PDE10A: variants seen among roughly 807,000 people sequenced by gnomAD.
The protein encoded by PDE10A is cAMP and cAMP-inhibited cGMP 3',5'-cyclic phosphodiesterase 10A.
Under a neutral mutation model 97.7 loss-of-function variants are expected in PDE10A, and 39 were observed. That is an observed-to-expected ratio of 0.40 (90% CI 0.31 to 0.52). The LOEUF (loss-of-function observed/expected upper bound fraction) is 0.52. Ranked by LOEUF, PDE10A falls within the 20% of genes least tolerant of loss-of-function variation. The pLI is 0.56. For missense variants in PDE10A, 731 were observed against 1,047.8 expected, an observed-to-expected ratio of 0.70 and a Z score of 4.17; for synonymous variants, 371 against 376.8, an observed-to-expected ratio of 0.98 and a Z score of 0.18.
chr6:165,886,268 G>A (rs1405240686), intron 1 of PDE10A, among the ~76,000 whole-genome samples: 2 of 149,962 alleles, frequency 1.3e-5, no homozygotes, highest in African/African-American at 2.5e-5. Flanking sequence ...CTGGAATCCT[G>A]GACCCCTGGG....
chr6:165,824,848 G>A (rs1779680649), intron 1 of PDE10A, among the ~76,000 whole-genome samples: 2 of 151,828 alleles, frequency 1.3e-5, no homozygotes, highest in African/African-American at 4.8e-5. Flanking sequence ...GGGTGCATTT[G>A]GCTGGGTGCG....
At chr6:165,498,376 T>C (rs1327914623) in intron 2 of PDE10A, among the ~76,000 whole-genome samples, 1 of 127,462 alleles carries the variant, frequency 7.8e-6, no homozygotes, top group Non-Finnish European at 1.5e-5. Flanking sequence ...GGAGTCGTGA[T>C]CCTGTCACTG....
At chr6:165,981,623 C>T (rs78774018) in intron 1 of PDE10A, among the ~76,000 whole-genome samples, 4 of 152,210 alleles carry the variant, frequency 2.6e-5, no homozygotes, top group Non-Finnish European at 5.9e-5. Context: ...CCTCCTTCAC[C>T]TTCTTTGGCC....
chr6:165,831,437 C>T (rs1583162238), intron 1 of PDE10A, among the ~76,000 whole-genome samples: 1 of 138,562 alleles, frequency 7.2e-6, no homozygotes, highest in Non-Finnish European at 1.5e-5. Context: ...ATTTCCTTTT[C>T]ATATATAATA....
At chr6:165,793,013 C>T (rs1778700207) in intron 1 of PDE10A, among the ~76,000 whole-genome samples, 2 of 152,106 alleles carry the variant, frequency 1.3e-5, no homozygotes, top group Non-Finnish European at 1.5e-5. Context: ...TAAGAATTAG[C>T]TCTCCATTTC....
intron 1 of PDE10A, among the ~76,000 whole-genome samples, chr6:165,607,743 T>C (rs1277124621): frequency 6.6e-6 from 1 of 152,146 alleles, no homozygotes; most frequent in African/African-American, 2.4e-5. Flanking sequence ...ATTTTGGAGA[T>C]TCATTCAGTT....
intron 1 of PDE10A, among the ~76,000 whole-genome samples, chr6:165,563,619 G>C (rs1488407916): frequency 6.6e-6 from 1 of 152,166 alleles, no homozygotes; most frequent in Non-Finnish European, 1.5e-5. Flanking sequence ...GCTGGGTGCA[G>C]TGGCTCACAT....
At chr6:165,576,726 C>T (rs371084197) in intron 1 of PDE10A, among the ~76,000 whole-genome samples, 2 of 152,228 alleles carry the variant, frequency 1.3e-5, no homozygotes, top group South Asian at 2.1e-4. Flanking sequence ...TCCTCCAATC[C>T]ACCCTCTTCT....
chr6:165,676,032 G>A (rs537278226), intron 1 of PDE10A, among the ~76,000 whole-genome samples: 1 of 152,284 alleles, frequency 6.6e-6, no homozygotes, highest in Admixed American at 6.5e-5. Context: ...TCGTATACAT[G>A]GAAGACTCCT....
At chr6:165,792,029 C>T (rs1778669174) in intron 1 of PDE10A, among the ~76,000 whole-genome samples, 1 of 152,162 alleles carries the variant, frequency 6.6e-6, no homozygotes, top group African/African-American at 2.4e-5. Flanking sequence ...TGCATCAGGC[C>T]CCCGCACGCA....
intron 1 of PDE10A, among the ~76,000 whole-genome samples, chr6:165,597,680 T>A (rs1313895968): frequency 6.6e-6 from 1 of 152,208 alleles, no homozygotes; most frequent in South Asian, 2.1e-4. Flanking sequence ...AATGACTACT[T>A]TACATGTTCC....
At chr6:165,713,646 A>C (rs141981057) in intron 1 of PDE10A, among the ~76,000 whole-genome samples, 249 of 152,312 alleles carry the variant, frequency 1.6e-3, no homozygotes, top group African/African-American at 5.7e-3. Flanking sequence ...ACCTACCGCA[A>C]ACACCGATGC....
chr6:165,496,082 G>A (rs1198820513), intron 2 of PDE10A, among the ~76,000 whole-genome samples: 1 of 151,954 alleles, frequency 6.6e-6, no homozygotes, highest in African/African-American at 2.4e-5. Flanking sequence ...CAGTCTCCTG[G>A]AGAAGGTAAG....
chr6:165,542,609 G>GTTTTTTTTTTTTTTTTTTTTTT (rs1783506131), intron 2 of PDE10A, among the ~76,000 whole-genome samples: 2 of 95,916 alleles, frequency 2.1e-5, no homozygotes, highest in Admixed American at 1.1e-4. Flanking sequence ...AGATGTCCTT[G>GTTTTTTTTTTTTTTTTTTTTTT]TTCTTTTTTT....
intron 1 of PDE10A, among the ~76,000 whole-genome samples, chr6:165,592,409 A>G (rs113032293): frequency 8.0e-4 from 122 of 152,378 alleles, no homozygotes; most frequent in African/African-American, 2.7e-3. Flanking sequence ...TTCATGATTA[A>G]AACACCAAAA....
At chr6:165,936,068 A>C (rs1211178175) in intron 1 of PDE10A, among the ~76,000 whole-genome samples, 1 of 152,270 alleles carries the variant, frequency 6.6e-6, no homozygotes, top group Non-Finnish European at 1.5e-5. Flanking sequence ...TAAACTCATC[A>C]AAGTTGGATG....
In PDE10A at chr6:165,923,825, T is replaced by A. The variant is rs558678447; in HGVS notation, c.-615+63704A>T. Among the ~76,000 whole-genome samples, 14 of 152,342 alleles carry A rather than the reference T, an allele frequency of 9.2e-5. No homozygotes were observed. The South Asian group carries it at 2.7e-3, about 29-fold the overall frequency. ...AAATTTAACTGGACATTTGTGCCAATTCATTTTTCAGAGAAAATATAAAAT... is the reference window on the plus strand; with the variant it reads ...AAATTTAACTGGACATTTGTGCCAAATCATTTTTCAGAGAAAATATAAAAT... On this transcript the variant is annotated intron_variant, in intron 1 of 19. Coordinates refer to the PDE10A transcript ENST00000366882.
chr6:165,563,256 G>GAGGGAGGA (rs1420186876), intron 1 of PDE10A, among the ~76,000 whole-genome samples: 8 of 145,804 alleles, frequency 5.5e-5, no homozygotes, highest in African/African-American at 2.0e-4. Context: ...GAGAGGGAGG[G>GAGGGAGGA]AGGGAGGAAG....
chr6:165,672,400 C>A (rs1334277354), intron 1 of PDE10A, among the ~76,000 whole-genome samples: 1 of 152,182 alleles, frequency 6.6e-6, no homozygotes, highest in African/African-American at 2.4e-5. Context: ...TACAGTTGGG[C>A]AAAACTACAA....
Sources: allele counts gnomAD v4.1 joint callset (sites outside exome capture counted in the v4.1 genomes callset), GRCh38; gene constraint gnomAD v4.1.1; transcripts MANE v1.5; gene names NCBI Gene and HGNC (gene_info 2026-07-23, HGNC 2026-07-21).